Variants in ATG10 observed in about 807,000 individuals in gnomAD.
ATG10 encodes the protein ubiquitin-like-conjugating enzyme ATG10.
ATG10 carries 30 observed loss-of-function variants against 32.1 expected under a neutral mutation model. That is an observed-to-expected ratio of 0.94 (90% CI 0.70 to 1.27). The LOEUF is 1.27. ATG10 is among the 50% of genes most tolerant of loss of function. The pLI, the probability that ATG10 is intolerant of heterozygous loss-of-function variation, is 0.00. For missense variants in ATG10, 233 were observed against 262.3 expected (o/e 0.89, Z 0.77); for synonymous variants, 87 against 91.5 (o/e 0.95, Z 0.28).
intron 2 of ATG10, among the ~76,000 whole-genome samples, chr5:82,013,304 G>A (rs906848433): frequency 1.3e-5 from 2 of 152,174 alleles, no homozygotes; most frequent in African/African-American, 4.8e-5. Flanking sequence ...CCACTTGTGA[G>A]TGAGAACATA....
At chr5:82,163,651 A>G (rs1353003820) in intron 3 of ATG10, among the ~76,000 whole-genome samples, 1 of 152,180 alleles carries the variant, frequency 6.6e-6, no homozygotes, top group Non-Finnish European at 1.5e-5. Context: ...AACATGTCCA[A>G]TTAATTGCTT....
intron 3 of ATG10, among the ~76,000 whole-genome samples, chr5:82,119,349 C>T (rs1765950960): frequency 6.6e-6 from 1 of 152,064 alleles, no homozygotes; most frequent in Admixed American, 6.6e-5. Context: ...AATTTCTAGC[C>T]ATTATAAATG....
At chr5:82,039,746 T>C (rs1018918699) in intron 2 of ATG10, among the ~76,000 whole-genome samples, 2 of 152,374 alleles carry the variant, frequency 1.3e-5, no homozygotes, top group Middle Eastern at 6.8e-3. Context: ...GTTTCAGCTA[T>C]GTCTTGCTTT....
intron 2 of ATG10, among the ~76,000 whole-genome samples, chr5:82,057,076 A>G (rs559539343): frequency 4.3e-4 from 65 of 152,294 alleles, no homozygotes; most frequent in Non-Finnish European, 6.3e-4. Context: ...CTTTCCAGGC[A>G]GGAATGATAT....
chr5:82,182,807 G>A (rs970724936), intron 5 of ATG10, among the ~76,000 whole-genome samples: 8 of 152,136 alleles, frequency 5.3e-5, no homozygotes, highest in African/African-American at 7.2e-5. Context: ...CTGAATCAGC[G>A]TCAGTATCTT....
Position 82,255,461 on chromosome 5 carries a change from T to A in ATG10, c.*1398T>A, listed in dbSNP as rs1218555208. Reference sequence around the variant, plus strand: ...CTAGGAGCTGAAACGAAGATTAAAATGTCATTGGCTTTTTAGAGAGTCTAG... The same window carrying A: ...CTAGGAGCTGAAACGAAGATTAAAAAGTCATTGGCTTTTTAGAGAGTCTAG... On this transcript the variant is annotated 3_prime_UTR_variant, in exon 8 of 8. Coordinates refer to ENST00000282185, the MANE Select transcript of ATG10 (RefSeq NM_031482.5). 1 of 152,134 alleles carries A rather than the reference T, an allele frequency of 6.6e-6. No homozygotes were observed. The highest frequency in any genetic ancestry group is 1.5e-5 in the Non-Finnish European group (1 of 68,034). The allele number at this position is 152,134 out of a possible 1,614,324, so 9.4% of individuals were successfully genotyped here. A position where few individuals can be genotyped will look rare whatever the true frequency, so the allele number is the denominator to read the frequency against.
At chr5:82,048,027 T>C (rs962111425) in intron 2 of ATG10, among the ~76,000 whole-genome samples, 2 of 146,210 alleles carry the variant, frequency 1.4e-5, no homozygotes, top group African/African-American at 5.1e-5. Context: ...CAGATAGTTG[T>C]AGATATGCGG....
chr5:82,163,630 G>T (rs1220964497), intron 3 of ATG10, among the ~76,000 whole-genome samples: 1 of 152,130 alleles, frequency 6.6e-6, no homozygotes, highest in Non-Finnish European at 1.5e-5. Flanking sequence ...GATGGAACCA[G>T]GGTCTGACTC....
At chr5:82,197,842 G>T (rs1364229183) in intron 5 of ATG10, among the ~76,000 whole-genome samples, 3 of 151,916 alleles carry the variant, frequency 2.0e-5, no homozygotes, top group African/African-American at 7.3e-5. Flanking sequence ...AGCAGTTCAG[G>T]TGACTTACCT....
chr5:82,128,302 T>C lies in ATG10; in HGVS notation c.217-36097T>C, dbSNP rs568115410. Among the ~76,000 whole-genome samples the C allele has an allele frequency of 2.6e-5, 4 of 152,216 alleles. No individual in the cohort carries two copies. The East Asian group carries it at 7.8e-4, about 30-fold the overall frequency. On this transcript the variant is annotated intron_variant, in intron 3 of 7. Transcript: ENST00000282185. ...AGCCTGTTACATTTATGGTTAATAT[T>C]GTTATATGTGAATTTGATCATGTCA...
chr5:81,976,532 T>C (rs568983838), intron 1 of ATG10, among the ~76,000 whole-genome samples: 3 of 152,310 alleles, frequency 2.0e-5, no homozygotes, highest in African/African-American at 7.2e-5. Flanking sequence ...AAACTTTAGC[T>C]TAACCAATCA....
Position 82,145,698 on chromosome 5 carries a change from T to A in ATG10, c.217-18701T>A, listed in dbSNP as rs192846608. 4.6e-5 allele frequency among the ~76,000 whole-genome samples: 7 copies of A among 152,142 alleles called. No individual in the cohort carries two copies. In the East Asian group the frequency reaches 1.4e-3, roughly 29 times the overall value. ...CACATGCATTTTTTAAAATTTAAGA[T>A]AACATTATAGTCTTTTTTTTTTTTT... On this transcript the variant is annotated intron_variant, in intron 3 of 7. Coordinates refer to ENST00000282185, the MANE Select transcript of ATG10 (RefSeq NM_031482.5).
intron 3 of ATG10, among the ~76,000 whole-genome samples, chr5:82,149,049 C>G (rs997685570): frequency 6.6e-6 from 1 of 152,188 alleles, no homozygotes; most frequent in South Asian, 2.1e-4. Flanking sequence ...TATATACGAG[C>G]TTTAAAGTTA....
In ATG10 at chr5:82,232,392, A is replaced by G. The variant is rs577963604; in HGVS notation, c.454-20170A>G. ...GCAGGCTTGGCATTGGAAAAACTCA[A>G]TTTTGTTCTTAGATCTGGACATAAG... On this transcript the variant is annotated intron_variant, in intron 5 of 7. Transcript: ENST00000282185. Among the ~76,000 whole-genome samples, 7 of 152,272 alleles carry G rather than the reference A, an allele frequency of 4.6e-5. No homozygotes were observed. The East Asian group carries it at 1.2e-3, about 25-fold the overall frequency.
intron 5 of ATG10, among the ~76,000 whole-genome samples, chr5:82,243,647 G>A (rs1013211445): frequency 8.6e-5 from 13 of 151,968 alleles, no homozygotes; most frequent in East Asian, 1.9e-4. Context: ...CACAGCTTCC[G>A]GATATATAAA....
rs1337652371 is a variant in ATG10 at position 82,036,525 on chromosome 5, C to T, written c.109-21970C>T. On this transcript the variant is annotated intron_variant, in intron 2 of 7. Coordinates refer to ENST00000282185, the MANE Select transcript of ATG10 (RefSeq NM_031482.5). ...AGGAGAATTGCTTGAACCCAGGAGG[C>T]GGAGGTTGCAGTGAGCTGAGATTGT... Among the ~76,000 whole-genome samples the T allele has an allele frequency of 5.9e-5, 9 of 152,154 alleles. No individual in the cohort carries two copies. In the East Asian group the frequency reaches 1.5e-3, roughly 26 times the overall value.
intron 5 of ATG10, among the ~76,000 whole-genome samples, chr5:82,191,367 A>G (rs1744653480): frequency 6.6e-6 from 1 of 152,246 alleles, no homozygotes; most frequent in Non-Finnish European, 1.5e-5. Context: ...AGTACCTGCC[A>G]GCAGGGCTGG....
At chr5:82,018,037 T>C (rs1354983538) in intron 2 of ATG10, among the ~76,000 whole-genome samples, 1 of 152,198 alleles carries the variant, frequency 6.6e-6, no homozygotes, top group Non-Finnish European at 1.5e-5. Context: ...TACTCCTAAA[T>C]GTATATCCTC....
At chr5:82,036,009 C>T (rs1025723495) in intron 2 of ATG10, among the ~76,000 whole-genome samples, 8 of 151,886 alleles carry the variant, frequency 5.3e-5, no homozygotes, top group Non-Finnish European at 7.4e-5. Flanking sequence ...GGAAAATATT[C>T]TTTTGTATTT....
Sources: gnomAD v4.1 joint callset for allele counts (sites outside exome capture counted in the v4.1 genomes callset) on GRCh38, gnomAD v4.1.1 for gene constraint, MANE v1.5 for transcripts, NCBI Gene and HGNC (gene_info 2026-07-23, HGNC 2026-07-21) for gene names.